GALNT13: variants seen among roughly 807,000 people sequenced by gnomAD.
GALNT13 encodes UDP-GalNAc:polypeptide N-acetylgalactosaminyltransferase 13.
Under a neutral mutation model 64.2 loss-of-function variants are expected in GALNT13, and 28 were observed. The observed-to-expected ratio is 0.44, with a 90% confidence interval of 0.32 to 0.60. The LOEUF (loss-of-function observed/expected upper bound fraction) is 0.60, where lower values mean the gene tolerates loss of function less well. Ranked by LOEUF, GALNT13 falls within the 20% of genes least tolerant of loss-of-function variation. The pLI is 0.05. For missense variants in GALNT13, 577 were observed against 669.8 expected (o/e 0.86, Z 1.53); for synonymous variants, 214 against 224.6 (o/e 0.95, Z 0.42).
At chr2:153,391,024 T>C in the GALNT13 span, among the ~76,000 whole-genome samples, 1 of 151,964 alleles carries the variant, frequency 6.6e-6, no homozygotes. Context: ...ATTGAGAGTG[T>C]GAGCAAACAA....
At chr2:153,346,544 G>T in the GALNT13 span, among the ~76,000 whole-genome samples, 1 of 151,738 alleles carries the variant, frequency 6.6e-6, no homozygotes, top group Non-Finnish European at 1.5e-5. Flanking sequence ...AGATTCTCTT[G>T]GTTTTTCTTT....
chr2:153,461,804 C>T, the GALNT13 span, among the ~76,000 whole-genome samples: 7 of 152,126 alleles, frequency 4.6e-5, no homozygotes, highest in South Asian at 2.1e-4. Context: ...AAGATAAGAA[C>T]GAGAATAAGA....
chr2:153,404,804 T>G, the GALNT13 span, among the ~76,000 whole-genome samples: 2 of 152,240 alleles, frequency 1.3e-5, no homozygotes, highest in African/African-American at 4.8e-5. Context: ...ACTGGCTAAA[T>G]GCTAGGGTAT....
chr2:153,170,271 TATAATA>T, the GALNT13 span, among the ~76,000 whole-genome samples: 2 of 152,308 alleles, frequency 1.3e-5, no homozygotes, highest in Admixed American at 1.3e-4. Flanking sequence ...ATTTGGTTGA[TATAATA>T]ATATATCAGA....
At chr2:153,422,115 A>G in the GALNT13 span, among the ~76,000 whole-genome samples, 2 of 152,252 alleles carry the variant, frequency 1.3e-5, no homozygotes, top group African/African-American at 4.8e-5. Context: ...AGAAGAAATG[A>G]TAATGGAAAT....
At chr2:154,304,078 A>G (rs1693600774) in intron 9 of GALNT13, among the ~76,000 whole-genome samples, 1 of 152,260 alleles carries the variant, frequency 6.6e-6, no homozygotes, top group Non-Finnish European at 1.5e-5. Flanking sequence ...ATAAGTACCT[A>G]GAAGAGAAGG....
At chr2:154,291,138 C>G (rs1406006501) in intron 8 of GALNT13, among the ~76,000 whole-genome samples, 1 of 152,144 alleles carries the variant, frequency 6.6e-6, no homozygotes, top group Non-Finnish European at 1.5e-5. Context: ...CTTTTATTCC[C>G]TTATCTGGCC....
the GALNT13 span, among the ~76,000 whole-genome samples, chr2:153,743,113 T>C: frequency 1.4e-5 from 2 of 146,826 alleles, no homozygotes; most frequent in African/African-American, 2.5e-5. Flanking sequence ...GGAGGGGTAG[T>C]GTGGTGGGTT....
the GALNT13 span, among the ~76,000 whole-genome samples, chr2:153,321,334 T>C: frequency 1.3e-5 from 2 of 152,236 alleles, no homozygotes; most frequent in East Asian, 3.8e-4. Context: ...GCTAGAAATG[T>C]CCTTGATAGG....
chr2:153,081,489 A>G, the GALNT13 span, among the ~76,000 whole-genome samples: 9 of 152,014 alleles, frequency 5.9e-5, no homozygotes, highest in African/African-American at 2.2e-4. Flanking sequence ...CTACGCATTG[A>G]CTATCCCCAT....
the GALNT13 span, among the ~76,000 whole-genome samples, chr2:153,146,424 C>T: frequency 1.3e-5 from 2 of 151,836 alleles, no homozygotes; most frequent in Admixed American, 6.6e-5. Context: ...TTGGAGAAAA[C>T]CTTGTCCTAA....
At chr2:154,437,483 A>C (rs1701037682) in intron 11 of GALNT13, 1 of 1,197,580 alleles carries the variant, frequency 8.4e-7, no homozygotes, top group Non-Finnish European at 1.1e-6. Context: ...CATTGCAAGG[A>C]GAAAGAAAAA....
chr2:153,730,770 A>C, the GALNT13 span, among the ~76,000 whole-genome samples: 1 of 151,962 alleles, frequency 6.6e-6, no homozygotes, highest in East Asian at 1.9e-4. Context: ...GAAGACATAC[A>C]AGTGACTAAC....
intron 9 of GALNT13, among the ~76,000 whole-genome samples, chr2:154,320,670 A>G (rs1247966669): frequency 6.6e-6 from 1 of 152,108 alleles, no homozygotes; most frequent in East Asian, 1.9e-4. Flanking sequence ...GACCTTCTCC[A>G]TTCTCACAGT....
chr2:154,416,237 G>T (rs904164778), intron 11 of GALNT13, among the ~76,000 whole-genome samples: 1 of 152,048 alleles, frequency 6.6e-6, no homozygotes, highest in African/African-American at 2.4e-5. Flanking sequence ...GAAATTTATT[G>T]TACACAGTTC....
intron 7 of GALNT13, 90 bp downstream of exon 7, chr2:154,246,072 A>T: frequency 1.2e-6 from 1 of 817,242 alleles, no homozygotes; most frequent in Non-Finnish European, 1.9e-6. Context: ...TAATTATTTA[A>T]TTGTATCCTT....
chr2:153,525,081 T>G, the GALNT13 span, among the ~76,000 whole-genome samples: 1 of 152,298 alleles, frequency 6.6e-6, no homozygotes, highest in South Asian at 2.1e-4. Flanking sequence ...AGGGCACCAG[T>G]AAGAGCCATG....
At chr2:154,388,251 T>A (rs1350842734) in intron 9 of GALNT13, among the ~76,000 whole-genome samples, 1 of 152,206 alleles carries the variant, frequency 6.6e-6, no homozygotes, top group Non-Finnish European at 1.5e-5. Flanking sequence ...CTTTGCCCAT[T>A]TTTAATCAGG....
chr2:153,478,211 G>C, the GALNT13 span: 3 of 1,583,788 alleles, frequency 1.9e-6, no homozygotes, highest in Middle Eastern at 1.7e-4. Context: ...GCGTGGGAGC[G>C]GTTGCCGCGG....
Sources: allele counts gnomAD v4.1 joint callset (sites outside exome capture counted in the v4.1 genomes callset), GRCh38; gene constraint gnomAD v4.1.1; transcripts MANE v1.5; gene names NCBI Gene and HGNC (gene_info 2026-07-23, HGNC 2026-07-21).